GGA2: variants seen among roughly 807,000 people sequenced by gnomAD.
GGA2 encodes the protein ADP-ribosylation factor-binding protein GGA2.
GGA2 carries 48 observed loss-of-function variants against 79.5 expected under a neutral mutation model. The ratio of observed to expected loss-of-function variants is 0.60; its 90% CI spans 0.48 to 0.77. The LOEUF (loss-of-function observed/expected upper bound fraction) is 0.77. Ranked by LOEUF, GGA2 falls within the 30% of genes least tolerant of loss-of-function variation. The pLI is 0.00. For synonymous variants in GGA2, 317 were observed against 302.0 expected, an observed-to-expected ratio of 1.05 and a Z score of -0.51; for missense variants, 770 against 774.0, an observed-to-expected ratio of 0.99 and a Z score of 0.06.
chr16:23,524,338 A>AGGGCGATCTCCAC, upstream of GGA2: 12 of 1,585,466 alleles, frequency 7.6e-6, no homozygotes, highest in Non-Finnish European at 1.0e-5. Flanking sequence ...ACAGGTTCTT[A>AGGGCGATCTCCAC]GGGCGATCTC....
At chr16:23,493,771 C>T (rs1964820182) in intron 3 of GGA2, 1 of 342,210 alleles carries the variant, frequency 2.9e-6, no homozygotes, top group Non-Finnish European at 5.5e-6. Flanking sequence ...CCAACCCCTC[C>T]CCAGAGGCAG....
At chr16:23,492,337 A>C (rs1393127081) in intron 4 of GGA2, among the ~76,000 whole-genome samples, 2 of 151,884 alleles carry the variant, frequency 1.3e-5, no homozygotes, top group African/African-American at 4.8e-5. Flanking sequence ...ACATCCCCCC[A>C]CCTGTGGAGG....
At chr16:23,517,719 T>G (rs1965110163) in intron 2 of GGA2, among the ~76,000 whole-genome samples, 1 of 152,040 alleles carries the variant, frequency 6.6e-6, no homozygotes, top group African/African-American at 2.4e-5. Context: ...GGGAAACTCC[T>G]ACTCATCCCT....
intron 14 of GGA2, among the ~76,000 whole-genome samples, chr16:23,470,798 G>A (rs1461254596): frequency 1.4e-5 from 2 of 145,576 alleles, no homozygotes; most frequent in African/African-American, 5.0e-5. Flanking sequence ...ACAAAAACAG[G>A]ATTATCATTA....
At chr16:23,483,394 T>C (rs1964673367) in intron 8 of GGA2, among the ~76,000 whole-genome samples, 1 of 152,102 alleles carries the variant, frequency 6.6e-6, no homozygotes, top group Non-Finnish European at 1.5e-5. Context: ...CTCGGGAGGC[T>C]TTCTCTTAGG....
At chr16:23,493,312 G>T (rs751855312) in intron 4 of GGA2, 48 bp downstream of exon 4, 2 of 1,102,960 alleles carry the variant, frequency 1.8e-6, no homozygotes, top group Non-Finnish European at 2.8e-6. Flanking sequence ...GAGTTTGACA[G>T]TGGGCGTAGG....
chr16:23,465,189 T>TGTCC lies in GGA2; in HGVS notation c.*2400_*2401insGGAC. The TGTCC allele has an allele frequency of 1.6e-6, 1 of 618,172 alleles. No individual in the cohort carries two copies. Among genetic ancestry groups the TGTCC allele is most frequent in the South Asian group, 1.9e-5 (1 of 52,784 alleles). The allele number at this position is 618,172 out of a possible 1,614,324, so 38.3% of individuals were successfully genotyped here. A position where few individuals can be genotyped will look rare whatever the true frequency, so the allele number is the denominator to read the frequency against. On this transcript the variant is annotated 3_prime_UTR_variant, in exon 17 of 17. Transcript: ENST00000309859. Reference sequence around the variant, plus strand: ...AAAACAGAGACACGGTCTCACTATGTAGCCCAGGCTGGACTTGAAATCCTG... The same window carrying TGTCC: ...AAAACAGAGACACGGTCTCACTATGTGTCCAGCCCAGGCTGGACTTGAAATCCTG...
chr16:23,475,436 C>A (rs1231788755), intron 13 of GGA2, among the ~76,000 whole-genome samples: 4 of 151,676 alleles, frequency 2.6e-5, no homozygotes, highest in Non-Finnish European at 5.9e-5. Flanking sequence ...GTGATCCGTC[C>A]GCCTCGGCCT....
chr16:23,502,312 T>A (rs1235180814), intron 1 of GGA2, among the ~76,000 whole-genome samples: 1 of 152,076 alleles, frequency 6.6e-6, no homozygotes, highest in East Asian at 1.9e-4. Flanking sequence ...AGAGATGAAA[T>A]CAGTTCATCT....
At chr16:23,478,740 G>A (rs1964608993) in intron 12 of GGA2, 143 bp downstream of exon 12, 4 of 757,738 alleles carry the variant, frequency 5.3e-6, no homozygotes, top group South Asian at 4.3e-5. Flanking sequence ...GTATGGGTGA[G>A]GAAGAGGCTT....
intron 1 of GGA2, among the ~76,000 whole-genome samples, chr16:23,507,481 A>T (rs1474541203): frequency 6.6e-6 from 1 of 152,238 alleles, no homozygotes; most frequent in Non-Finnish European, 1.5e-5. Context: ...TACAAAAATT[A>T]GCCAGACATG....
chr16:23,498,705 C>T (rs185662114), intron 1 of GGA2, among the ~76,000 whole-genome samples: 34 of 152,292 alleles, frequency 2.2e-4, no homozygotes, highest in Non-Finnish European at 3.1e-4. Context: ...TTTATTATTA[C>T]GTACAGTCTC....
At chr16:23,503,445 G>C (rs1964941373) in intron 1 of GGA2, among the ~76,000 whole-genome samples, 1 of 152,032 alleles carries the variant, frequency 6.6e-6, no homozygotes, top group Non-Finnish European at 1.5e-5. Flanking sequence ...GTAAGATATA[G>C]TTACTTAAAT....
At chr16:23,503,773 C>T (rs1004665440) in intron 1 of GGA2, among the ~76,000 whole-genome samples, 18 of 152,144 alleles carry the variant, frequency 1.2e-4, no homozygotes, top group African/African-American at 4.1e-4. Flanking sequence ...TAACAGTAAC[C>T]GTCATTTTTA....
intron 9 of GGA2, among the ~76,000 whole-genome samples, chr16:23,481,124 A>G (rs1002594679): frequency 1.3e-5 from 2 of 152,206 alleles, no homozygotes; most frequent in African/African-American, 2.4e-5. Context: ...CATGCCTATA[A>G]TCCCAGCATT....
Position 23,488,659 on chromosome 16 carries a change from GT to G in GGA2, c.525del (p.Pro176HisfsTer20). On this transcript the variant is annotated frameshift_variant, in exon 6 of 17. Coordinates refer to ENST00000309859, the MANE Select transcript of GGA2 (RefSeq NM_015044.4). LOFTEE classifies it high-confidence loss of function. ...ATGGAGCTCTTGGGCCAGGGAGATG[GT>G]GGGGGTAAGATTTTATCCACTGGTA... ...PKLPVDKILP[P>X]PSPWPKSSIF... 6.2e-7 allele frequency: 1 copy of G among 1,611,372 alleles called. No homozygotes were observed. The highest frequency in any genetic ancestry group is 1.1e-5 in the South Asian group (1 of 91,014).
intron 1 of GGA2, among the ~76,000 whole-genome samples, 164 bp downstream of exon 1, chr16:23,510,156 CG>C (rs1965021200): frequency 6.6e-6 from 1 of 150,660 alleles, no homozygotes; most frequent in African/African-American, 2.4e-5. Flanking sequence ...GGGCTCCTCT[CG>C]GGGGACCCCT....
chr16:23,472,382 G>A (rs142462535), intron 14 of GGA2, among the ~76,000 whole-genome samples: 5 of 151,390 alleles, frequency 3.3e-5, no homozygotes, highest in African/African-American at 1.2e-4. Context: ...GTTTTTAGTA[G>A]AGACAGGGTT....
upstream of GGA2, chr16:23,523,146 T>C (rs1241863156): frequency 6.6e-6 from 1 of 152,236 alleles, no homozygotes; most frequent in Non-Finnish European, 1.5e-5. Context: ...AGGGTGTGAA[T>C]AGAAGAAGGC....
Sources: allele counts gnomAD v4.1 joint callset (sites outside exome capture counted in the v4.1 genomes callset), GRCh38; gene constraint gnomAD v4.1.1; transcripts MANE v1.5; gene names NCBI Gene and HGNC (gene_info 2026-07-23, HGNC 2026-07-21).